NLGN1: variants seen among roughly 807,000 people sequenced by gnomAD.
The protein encoded by NLGN1 is neuroligin-1.
In NLGN1, 12 loss-of-function variants were observed where a neutral mutation model predicts 65.5. The ratio of observed to expected loss-of-function variants is 0.18; its 90% confidence interval spans 0.12 to 0.30. NLGN1 has a LOEUF of 0.30. Ranked by LOEUF, NLGN1 falls within the 10% of genes least tolerant of loss-of-function variation. The pLI is 1.00. For missense variants in NLGN1, 750 were observed against 1,007.1 expected, an observed-to-expected ratio of 0.74 and a Z score of 3.46; for synonymous variants, 350 against 359.5, an observed-to-expected ratio of 0.97 and a Z score of 0.30.
chr3:174,008,839 T>C (rs2152437374), intron 4 of NLGN1, among the ~76,000 whole-genome samples: 1 of 152,134 alleles, frequency 6.6e-6, no homozygotes, highest in Non-Finnish European at 1.5e-5. Flanking sequence ...AAAAAATCTC[T>C]TCTCAAATTA....
At chr3:174,088,674 A>T (rs1326965363) in intron 4 of NLGN1, among the ~76,000 whole-genome samples, 1 of 151,330 alleles carries the variant, frequency 6.6e-6, no homozygotes, top group Non-Finnish European at 1.5e-5. Context: ...AATGGTGTGA[A>T]CTCGGGAGGC....
intron 4 of NLGN1, among the ~76,000 whole-genome samples, chr3:173,935,894 A>G (rs1478453750): frequency 6.6e-6 from 1 of 151,996 alleles, no homozygotes; most frequent in Non-Finnish European, 1.5e-5. Flanking sequence ...TAGCTAATAC[A>G]GATTTTGAGA....
rs191549668 is a variant in NLGN1, at chr3:173,527,423, A to G, written c.-320-76856A>G. Among the ~76,000 whole-genome samples the G allele has an allele frequency of 7.3e-3, 1,104 of 151,998 alleles. 3 individuals carry two copies. Among genetic ancestry groups the G allele is most frequent in the Non-Finnish European group, 0.013 (852 of 67,994 alleles). ...CTTTTTTTCTTTTTTTTTGAGACGG[A>G]GTCTCGCTCTTTCACCCAGGCTGGA... On this transcript the variant is annotated intron_variant, in intron 2 of 6. Coordinates refer to ENST00000457714, the Ensembl canonical transcript of NLGN1.
chr3:173,452,923 A>G (rs938652680), intron 2 of NLGN1, among the ~76,000 whole-genome samples: 4 of 152,212 alleles, frequency 2.6e-5, no homozygotes, highest in African/African-American at 7.2e-5. Flanking sequence ...TTATCTAAAA[A>G]TGTACATACC....
chr3:173,997,996 C>T (rs536739275), intron 4 of NLGN1, among the ~76,000 whole-genome samples: 5 of 152,214 alleles, frequency 3.3e-5, no homozygotes, highest in African/African-American at 7.2e-5. Context: ...AACATCAATA[C>T]GAGTTTCTGT....
At chr3:173,474,101 C>A (rs971404217) in intron 2 of NLGN1, among the ~76,000 whole-genome samples, 1 of 151,946 alleles carries the variant, frequency 6.6e-6, no homozygotes, top group Non-Finnish European at 1.5e-5. Context: ...CCTCCTGCTC[C>A]TCCTCACCCT....
intron 4 of NLGN1, among the ~76,000 whole-genome samples, chr3:173,839,536 C>G (rs577150119): frequency 1.2e-4 from 18 of 152,028 alleles, no homozygotes; most frequent in Non-Finnish European, 2.5e-4. Context: ...GATTCTTCTG[C>G]CTCAGCCTCC....
At chr3:174,228,875 T>C (rs1740194235) in intron 4 of NLGN1, among the ~76,000 whole-genome samples, 1 of 152,118 alleles carries the variant, frequency 6.6e-6, no homozygotes, top group African/African-American at 2.4e-5. Context: ...TTTATTATAA[T>C]ATAGACATTG....
chr3:173,525,399 G>A (rs558474364), intron 2 of NLGN1, among the ~76,000 whole-genome samples: 110 of 152,104 alleles, frequency 7.2e-4, no homozygotes, highest in African/African-American at 2.5e-3. Context: ...TCTAGTTTGT[G>A]CACATGGAGA....
At chr3:174,165,956 C>T (rs1038418559) in intron 4 of NLGN1, among the ~76,000 whole-genome samples, 6 of 151,974 alleles carry the variant, frequency 3.9e-5, no homozygotes, top group African/African-American at 1.4e-4. Context: ...TTATCCATTT[C>T]CTGTAGATTT....
rs191947767 is a variant in NLGN1, at chr3:173,491,987, T to C, written c.-321+56909T>C. ...TCCTTAGCACCCTTATTATTCTCAC[T>C]TGAGTGCTGTAATTCCTCCTCACTG... On this transcript the variant is annotated intron_variant, in intron 2 of 6. Coordinates refer to ENST00000457714, the Ensembl canonical transcript of NLGN1. 2.4e-3 allele frequency among the ~76,000 whole-genome samples: 359 copies of C among 151,850 alleles called. 7 individuals are homozygous for C. Among genetic ancestry groups the C allele is most frequent in the African/African-American group, 8.4e-3 (347 of 41,212 alleles).
intron 2 of NLGN1, among the ~76,000 whole-genome samples, chr3:173,445,532 C>G (rs1185675436): frequency 6.6e-6 from 1 of 152,170 alleles, no homozygotes; most frequent in Admixed American, 6.5e-5. Flanking sequence ...CATGGCTGAA[C>G]TGACTCCAAT....
At chr3:173,938,199 C>T (rs1382459745) in intron 4 of NLGN1, among the ~76,000 whole-genome samples, 1 of 152,116 alleles carries the variant, frequency 6.6e-6, no homozygotes, top group Non-Finnish European at 1.5e-5. Flanking sequence ...ACAAGAATTG[C>T]AGTTCTCCTC....
At chr3:173,814,377 T>C (rs1718604042) in intron 4 of NLGN1, among the ~76,000 whole-genome samples, 1 of 152,218 alleles carries the variant, frequency 6.6e-6, no homozygotes, top group Non-Finnish European at 1.5e-5. Flanking sequence ...TGGTAATCAA[T>C]TTTAGATTGA....
At chr3:174,121,728 C>G (rs1242951158) in intron 4 of NLGN1, among the ~76,000 whole-genome samples, 1 of 152,138 alleles carries the variant, frequency 6.6e-6, no homozygotes, top group African/African-American at 2.4e-5. Flanking sequence ...AGTTCTTATA[C>G]CTCCGGTAGC....
intron 4 of NLGN1, among the ~76,000 whole-genome samples, chr3:173,838,889 G>A (rs1270374197): frequency 6.6e-6 from 1 of 152,134 alleles, no homozygotes; most frequent in Non-Finnish European, 1.5e-5. Context: ...TTTGACTGAT[G>A]CTTCACATGA....
chr3:173,883,334 A>G (rs1047183210), intron 4 of NLGN1, among the ~76,000 whole-genome samples: 1 of 152,204 alleles, frequency 6.6e-6, no homozygotes, highest in African/African-American at 2.4e-5. Flanking sequence ...CAGAACATAC[A>G]TAACATTTAT....
At chr3:174,134,906 T>G (rs1720929411) in intron 4 of NLGN1, among the ~76,000 whole-genome samples, 3 of 152,200 alleles carry the variant, frequency 2.0e-5, no homozygotes, top group Admixed American at 6.5e-5. Context: ...AGATTAAGGC[T>G]GTGCCTTTCT....
intron 4 of NLGN1, among the ~76,000 whole-genome samples, chr3:173,986,564 AG>A (rs1166810687): frequency 6.6e-6 from 1 of 152,192 alleles, no homozygotes. Context: ...AAAGATACAC[AG>A]GAAGAAGATG....
Sources: gnomAD v4.1 joint callset for allele counts (sites outside exome capture counted in the v4.1 genomes callset) on GRCh38, gnomAD v4.1.1 for gene constraint, MANE v1.5 for transcripts, NCBI Gene and HGNC (gene_info 2026-07-23, HGNC 2026-07-21) for gene names.